The following MACROD1 variants were observed in gnomAD, a reference collection of about 807,000 sequenced individuals.
MACROD1 encodes ADP-ribose glycohydrolase MACROD1.
Under a neutral mutation model 41.4 loss-of-function variants are expected in MACROD1, and 31 were observed. The ratio of observed to expected loss-of-function variants is 0.75; its 90% CI spans 0.56 to 1.01. The LOEUF (loss-of-function observed/expected upper bound fraction) is 1.01, where lower values mean the gene tolerates loss of function less well. Among genes scored for constraint, MACROD1 ranks in the 50% least tolerant of loss-of-function variants. The pLI, the probability that MACROD1 is intolerant of heterozygous loss-of-function variation, is 0.00. For missense variants in MACROD1, 473 were observed against 460.0 expected (o/e 1.03, Z -0.26); for synonymous variants, 252 against 203.4 (o/e 1.24, Z -2.03).
rs1228612698 is a variant in MACROD1, at chr11:64,096,572, C to T, written c.517+54667G>A. 2.0e-5 allele frequency among the ~76,000 whole-genome samples: 3 copies of T among 152,122 alleles called. No homozygotes were observed. Among genetic ancestry groups the T allele is most frequent in the Non-Finnish European group, 4.4e-5 (3 of 68,002 alleles). On this transcript the variant is annotated intron_variant, in intron 3 of 10. Transcript: ENST00000255681. The surrounding 1 kb of genome is among the most constrained non-coding windows in gnomAD (Gnocchi z 4.6). ...CTGGGATTACAGGCGCCTGCCATCA[C>T]GCCCAGCTAATTTTTTTATTTTTAG... is the stretch of plus-strand genomic sequence containing the variant.
intron 3 of MACROD1, among the ~76,000 whole-genome samples, chr11:64,111,655 G>C (rs1489392754): frequency 6.6e-6 from 1 of 152,204 alleles, no homozygotes; most frequent in Non-Finnish European, 1.5e-5. Context: ...TGCCTGTGAA[G>C]GGGGGTGGGT....
chr11:64,111,473 T>C (rs1036165406), intron 3 of MACROD1, among the ~76,000 whole-genome samples: 1 of 152,208 alleles, frequency 6.6e-6, no homozygotes, highest in African/African-American at 2.4e-5. Flanking sequence ...AGGCAGGACC[T>C]CCGGCTCCAT....
intron 3 of MACROD1, among the ~76,000 whole-genome samples, chr11:64,124,490 A>T (rs1197119536): frequency 6.6e-6 from 1 of 152,156 alleles, no homozygotes; most frequent in Non-Finnish European, 1.5e-5. Flanking sequence ...GCTTCTTTTT[A>T]AAAAACTCAC....
intron 3 of MACROD1, among the ~76,000 whole-genome samples, chr11:64,114,273 T>TGGAA (rs1221796681): frequency 1.3e-5 from 2 of 149,368 alleles, no homozygotes; most frequent in Non-Finnish European, 3.0e-5. Flanking sequence ...GATGGATGGA[T>TGGAA]GGATGGATGG....
intron 3 of MACROD1, among the ~76,000 whole-genome samples, chr11:64,144,956 C>A (rs1945472555): frequency 6.6e-6 from 1 of 152,216 alleles, no homozygotes; most frequent in Non-Finnish European, 1.5e-5. Flanking sequence ...AAGCAGTGCC[C>A]AGGGACAGCC....
At chr11:64,040,238 A>G in intron 3 of MACROD1, among the ~76,000 whole-genome samples, 1 of 148,600 alleles carries the variant, frequency 6.7e-6, no homozygotes, top group Non-Finnish European at 1.5e-5. Context: ...GGTGAGGTCA[A>G]GTAACAGAGG....
intron 3 of MACROD1, among the ~76,000 whole-genome samples, chr11:64,099,171 A>G (rs536702346): frequency 1.3e-5 from 2 of 152,334 alleles, no homozygotes; most frequent in South Asian, 2.1e-4. Context: ...ACATGAGAGT[A>G]CCCCAGAACC....
chr11:64,094,778 C>T (rs960987657), intron 3 of MACROD1, among the ~76,000 whole-genome samples: 1 of 152,316 alleles, frequency 6.6e-6, no homozygotes, highest in East Asian at 1.9e-4. Context: ...ACCCCTGACC[C>T]CACGACCACG....
At chr11:64,035,615 C>A (rs1943358993) in intron 3 of MACROD1, among the ~76,000 whole-genome samples, 1 of 93,302 alleles carries the variant, frequency 1.1e-5, no homozygotes, top group Non-Finnish European at 2.0e-5. Context: ...GGGAGGGGGG[C>A]GCGGAGGCCG....
chr11:64,064,343 C>T lies in MACROD1; in HGVS notation c.518-49062G>A, dbSNP rs1654752079. Among the ~76,000 whole-genome samples, 1 of 152,234 alleles carries T rather than the reference C, an allele frequency of 6.6e-6. No individual in the cohort carries two copies. The highest frequency in any genetic ancestry group is 6.5e-5 in the Admixed American group (1 of 15,304). On this transcript the variant is annotated intron_variant, in intron 3 of 10. Transcript: ENST00000255681. This position sits in a 1 kb window ranked among gnomAD's most constrained non-coding sequence, Gnocchi z 4.5. ...GATGTCTCATCAGAAGAGGGGCCTG[C>T]CTGTCCAGGTAGATCCTATGGGGCC...
chr11:64,126,627 G>A (rs779679306), intron 3 of MACROD1, among the ~76,000 whole-genome samples: 48 of 152,078 alleles, frequency 3.2e-4, no homozygotes, highest in Non-Finnish European at 4.4e-4. Flanking sequence ...TCCCCTTCCC[G>A]GTGGTCTGAA....
At chr11:64,157,256 C>G (rs1207950530) in intron 1 of MACROD1, among the ~76,000 whole-genome samples, 1 of 152,118 alleles carries the variant, frequency 6.6e-6, no homozygotes, top group African/African-American at 2.4e-5. Context: ...CCACACCCAG[C>G]TAATTTTTTG....
chr11:64,159,146 CCT>C (rs1193969897), intron 1 of MACROD1, among the ~76,000 whole-genome samples: 1 of 151,942 alleles, frequency 6.6e-6, no homozygotes, highest in African/African-American at 2.4e-5. Flanking sequence ...ATGGTGAAAC[CCT>C]GTCTCTACTA....
rs545633028 is a variant in MACROD1, at chr11:64,090,169, C to A, written c.517+61070G>T. On this transcript the variant is annotated intron_variant, in intron 3 of 10. Transcript: ENST00000255681. This position sits in a 1 kb window ranked among gnomAD's most constrained non-coding sequence, Gnocchi z 4.7. Reference sequence around the variant, plus strand: ...ACTCATCTCTGCCTGTCTTCCCAGGCCCCAGGTTTCAGGCCCCGAACAGCC... The same window carrying A: ...ACTCATCTCTGCCTGTCTTCCCAGGACCCAGGTTTCAGGCCCCGAACAGCC... Among the ~76,000 whole-genome samples the A allele has an allele frequency of 3.6e-3, 553 of 152,286 alleles. 1 individual carries two copies. Among genetic ancestry groups the A allele is most frequent in the Admixed American group, 6.1e-3 (94 of 15,296 alleles).
chr11:64,119,699 T>G (rs568989953), intron 3 of MACROD1, among the ~76,000 whole-genome samples: 1 of 152,218 alleles, frequency 6.6e-6, no homozygotes, highest in Non-Finnish European at 1.5e-5. Flanking sequence ...AGACCAGATC[T>G]CTTTCTAAAA....
chr11:64,076,180 C>T (rs770758778), intron 3 of MACROD1, among the ~76,000 whole-genome samples: 6 of 152,242 alleles, frequency 3.9e-5, no homozygotes, highest in Non-Finnish European at 5.9e-5. Flanking sequence ...ACACATCACC[C>T]TTCCCTTGCT....
intron 3 of MACROD1, among the ~76,000 whole-genome samples, chr11:64,099,396 T>C (rs1029465682): frequency 6.6e-6 from 1 of 152,224 alleles, no homozygotes; most frequent in South Asian, 2.1e-4. Flanking sequence ...TGGAGCATGA[T>C]TAGACTCAGA....
chr11:64,032,571 A>G (rs1452957951), intron 3 of MACROD1, among the ~76,000 whole-genome samples: 1 of 152,130 alleles, frequency 6.6e-6, no homozygotes, highest in African/African-American at 2.4e-5. Context: ...GGAGCCGGGA[A>G]GCTGGGGCTT....
intron 3 of MACROD1, among the ~76,000 whole-genome samples, chr11:64,030,837 G>C (rs555530542): frequency 6.6e-6 from 1 of 151,634 alleles, no homozygotes; most frequent in Non-Finnish European, 1.5e-5. Context: ...CATCGCTTGA[G>C]CTCAGGAGTT....
Sources: gnomAD v4.1 joint callset for allele counts (sites outside exome capture counted in the v4.1 genomes callset) on GRCh38, gnomAD v4.1.1 for gene constraint, Gnocchi (gnomAD v3.1) non-coding constraint, MANE v1.5 for transcripts, NCBI Gene and HGNC (gene_info 2026-07-23, HGNC 2026-07-21) for gene names.